Variants in TNRC18 observed in about 807,000 individuals in gnomAD.
TNRC18 encodes trinucleotide repeat containing 18.
TNRC18 carries 69 observed loss-of-function variants against 226.7 expected under a neutral mutation model. The observed-to-expected ratio is 0.30, with a 90% CI of 0.25 to 0.37. TNRC18 has a LOEUF of 0.37. Ranked by LOEUF, TNRC18 falls within the 10% of genes least tolerant of loss-of-function variation. The pLI, the probability that TNRC18 is intolerant of heterozygous loss-of-function variation, is 1.00. For missense variants in TNRC18, 4,754 were observed against 4,256.6 expected (o/e 1.12, Z -3.25); for synonymous variants, 2,449 against 1,927.6 (o/e 1.27, Z -7.09).
chr7:5,383,182 C>A (rs1779519226), intron 5 of TNRC18, among the ~76,000 whole-genome samples: 2 of 152,196 alleles, frequency 1.3e-5, no homozygotes, highest in Non-Finnish European at 2.9e-5. Flanking sequence ...GGATTACAGG[C>A]ATGAGCCGCC....
Position 5,394,295 on chromosome 7 carries a change from C to T in TNRC18, c.343+145G>A, listed in dbSNP as rs73057722. The T allele has an allele frequency of 0.028, 19,677 of 695,822 alleles. 349 individuals are homozygous for T. Among genetic ancestry groups the T allele is most frequent in the Non-Finnish European group, 0.036 (16,033 of 442,070 alleles). 43.1% of individuals were successfully genotyped at this position (695,822 alleles called of 1,614,324 possible). On this transcript the variant is annotated intron_variant, in intron 3 of 29. Coordinates refer to ENST00000430969, the MANE Select transcript of TNRC18 (RefSeq NM_001080495.3). The surrounding 1 kb of genome is among the most constrained non-coding windows in gnomAD (Gnocchi z 4.5). ...GACAGTGACAAGAAGAAGCCCTGAG[C>T]GTTTGAGAAACAACAGGGAAGCCAG...
At chr7:5,329,736 G>A (rs1000122137) in intron 19 of TNRC18, among the ~76,000 whole-genome samples, 3 of 136,668 alleles carry the variant, frequency 2.2e-5, no homozygotes, top group Non-Finnish European at 4.7e-5. Flanking sequence ...GGTTACAGCA[G>A]GGAATGATCA....
chr7:5,323,009 C>A (rs189143946), intron 21 of TNRC18, among the ~76,000 whole-genome samples: 2 of 152,312 alleles, frequency 1.3e-5, no homozygotes, highest in Admixed American at 1.3e-4. Flanking sequence ...AAACAACACA[C>A]GCAGAGAGGA....
At chr7:5,317,124 C>T (rs1203860994) in intron 24 of TNRC18, among the ~76,000 whole-genome samples, 1 of 152,152 alleles carries the variant, frequency 6.6e-6, no homozygotes, top group Non-Finnish European at 1.5e-5. Context: ...CTAACAAAAC[C>T]TTCCTGCCCA....
intron 2 of TNRC18, among the ~76,000 whole-genome samples, chr7:5,400,384 C>T (rs1235414614): frequency 6.6e-5 from 10 of 151,804 alleles, no homozygotes; most frequent in South Asian, 2.1e-4. Context: ...CAGAGGCGGG[C>T]GGATCACCTG....
chr7:5,393,927 C>G (rs572317574), intron 3 of TNRC18, among the ~76,000 whole-genome samples: 2 of 151,974 alleles, frequency 1.3e-5, no homozygotes, highest in African/African-American at 2.4e-5. Flanking sequence ...AGGCTGGTCT[C>G]GAACTCCTGC....
rs1335191190 is a variant in TNRC18, at chr7:5,357,085, C to G, written c.5025G>C (p.Lys1675Asn). ...GGCCCTTGGCCAGCGCCTTCCTGTT[C>G]TTCCCCAGCAGGCTGTCGTAAGGAG... is the stretch of plus-strand genomic sequence containing the variant. ...YLTPYDSLLG[K>N]NRKALAKGLG... The change falls in exon 16 of 30, where the codon AAG becomes AAC. Residue 1675 changes from lysine (K) to asparagine (N), a missense_variant. Transcript: ENST00000430969. 1.9e-6 allele frequency: 3 copies of G among 1,552,034 alleles called. No individual in the cohort carries two copies. The African/African-American group carries it at 4.1e-5, about 21-fold the overall frequency.
At chr7:5,321,280 G>A in intron 21 of TNRC18, 90 bp from the exon 22 acceptor site, 3 of 944,658 alleles carry the variant, frequency 3.2e-6, no homozygotes, top group Non-Finnish European at 4.8e-6. Flanking sequence ...CATCCCCTTG[G>A]AATGGAGGCC....
intron 19 of TNRC18, among the ~76,000 whole-genome samples, chr7:5,328,378 T>G (rs1789155792): frequency 6.6e-6 from 1 of 151,960 alleles, no homozygotes; most frequent in Non-Finnish European, 1.5e-5. Context: ...AATAATTTTT[T>G]TTTAATTAGT....
intron 17 of TNRC18, among the ~76,000 whole-genome samples, chr7:5,346,137 G>A (rs1179616962): frequency 6.6e-6 from 1 of 152,270 alleles, no homozygotes; most frequent in African/African-American, 2.4e-5. Flanking sequence ...ACTGGAGACA[G>A]CGTTCTCCAC....
intron 9 of TNRC18, among the ~76,000 whole-genome samples, chr7:5,375,471 G>A (rs1202246204): frequency 2.6e-5 from 4 of 152,306 alleles, no homozygotes; most frequent in Admixed American, 2.0e-4. Flanking sequence ...AGAAGTAAAG[G>A]CACTTGCCCA....
intron 22 of TNRC18, 82 bp from the exon 23 acceptor site, chr7:5,320,689 C>T: frequency 8.4e-7 from 1 of 1,191,098 alleles, no homozygotes; most frequent in Non-Finnish European, 1.2e-6. Context: ...AGCACTGCCT[C>T]CTAGACCACT....
intron 18 of TNRC18, among the ~76,000 whole-genome samples, chr7:5,336,339 T>G (rs1332574404): frequency 2.6e-5 from 4 of 152,104 alleles, no homozygotes; most frequent in African/African-American, 9.7e-5. Flanking sequence ...CCAACGATTC[T>G]GAAATCCTCA....
intron 2 of TNRC18, among the ~76,000 whole-genome samples, chr7:5,419,569 C>A (rs1173763475): frequency 6.6e-6 from 1 of 152,202 alleles, no homozygotes; most frequent in Non-Finnish European, 1.5e-5. Context: ...CTCGGGGGTC[C>A]CCCGCGCCCC....
At chr7:5,320,826 G>C (rs958626424) in intron 22 of TNRC18, among the ~76,000 whole-genome samples, 2 of 152,232 alleles carry the variant, frequency 1.3e-5, no homozygotes, top group African/African-American at 4.8e-5. Context: ...TCCTGAGAGA[G>C]GCCAGCACGC....
chr7:5,387,107 G>A (rs1779848432), intron 5 of TNRC18, among the ~76,000 whole-genome samples: 1 of 152,110 alleles, frequency 6.6e-6, no homozygotes, highest in Non-Finnish European at 1.5e-5. Context: ...CAATTCTAAA[G>A]AATCCAAAAT....
intron 20 of TNRC18, 31 bp downstream of exon 20, chr7:5,325,065 C>A (rs771370082): frequency 6.5e-7 from 1 of 1,548,242 alleles, no homozygotes; most frequent in South Asian, 1.2e-5. Flanking sequence ...GAGCCCCCCA[C>A]AGCCCCCAAC....
chr7:5,383,082 T>G (rs867198251), intron 5 of TNRC18, among the ~76,000 whole-genome samples: 5 of 152,176 alleles, frequency 3.3e-5, no homozygotes, highest in Middle Eastern at 3.4e-3. Flanking sequence ...TTTTTATTTT[T>G]GTAGAGTCGG....
Position 5,389,167 on chromosome 7 carries a change from A to G in TNRC18, c.657T>C (p.Leu219=). Residue 219 remains leucine (L), a synonymous_variant, in exon 5 of 30, where the codon CTT becomes CTC. Transcript: ENST00000430969. ...GGGCGCGCGGGTCCTTCTTGCCGAAAAGCGGAGGCGGCTCCCCGCCGCGGC... is the reference window on the plus strand; with the variant it reads ...GGGCGCGCGGGTCCTTCTTGCCGAAGAGCGGAGGCGGCTCCCCGCCGCGGC... ...RAGRGGEPPP[L]FGKKDPRARG... is the part of the protein sequence containing the mutation. 7.6e-7 allele frequency: 1 copy of G among 1,323,542 alleles called. No homozygotes were observed. The highest frequency in any genetic ancestry group is 9.6e-7 in the Non-Finnish European group (1 of 1,037,622). The allele number at this position is 1,323,542 out of a possible 1,614,324, so 82.0% of individuals were successfully genotyped here.
Sources: allele counts gnomAD v4.1 joint callset (sites outside exome capture counted in the v4.1 genomes callset), GRCh38; gene constraint gnomAD v4.1.1; non-coding constraint Gnocchi (gnomAD v3.1); transcripts MANE v1.5; gene names NCBI Gene and HGNC (gene_info 2026-07-23, HGNC 2026-07-21).